The following EFR3B variants were observed in gnomAD, a reference collection of about 807,000 sequenced individuals.
EFR3B encodes protein EFR3 homolog B.
In EFR3B, 64 loss-of-function variants were observed where a neutral mutation model predicts 104.7. The observed-to-expected ratio is 0.61, with a 90% confidence interval of 0.50 to 0.75. The LOEUF is 0.75. Ranked by LOEUF, EFR3B falls within the 30% of genes least tolerant of loss-of-function variation. The pLI, the probability that EFR3B is intolerant of heterozygous loss-of-function variation, is 0.00. For synonymous variants in EFR3B, 385 were observed against 417.9 expected, an observed-to-expected ratio of 0.92 and a Z score of 0.96; for missense variants, 750 against 1,078.5, an observed-to-expected ratio of 0.70 and a Z score of 4.27.
At chr2:25,116,733 G>A (rs1669870964) in intron 4 of EFR3B, among the ~76,000 whole-genome samples, 1 of 151,946 alleles carries the variant, frequency 6.6e-6, no homozygotes, top group East Asian at 1.9e-4. Flanking sequence ...AGAGAGCAAG[G>A]GAGTTTTCCA....
chr2:25,047,061 A>G (rs1289964853), intron 1 of EFR3B, among the ~76,000 whole-genome samples: 4 of 152,212 alleles, frequency 2.6e-5, no homozygotes, highest in Non-Finnish European at 5.9e-5. Context: ...CTTGCTGCTC[A>G]CAGTTCAGTG....
rs186353575 is a variant in EFR3B at position 25,100,223 on chromosome 2, T to A, written c.213-3414T>A. 3.4e-3 allele frequency among the ~76,000 whole-genome samples: 516 copies of A among 152,250 alleles called. 1 individual carries two copies. Among genetic ancestry groups the A allele is most frequent in the African/African-American group, 0.012 (485 of 41,538 alleles). On this transcript the variant is annotated intron_variant, in intron 3 of 22. Coordinates refer to ENST00000403714, the MANE Select transcript of EFR3B (RefSeq NM_014971.2). ...CCGTCTCAAAAAAAAAATTTTTTTTTAAATATCTGCCTAACATTCAATGAT... is the reference window on the plus strand; with the variant it reads ...CCGTCTCAAAAAAAAAATTTTTTTTAAAATATCTGCCTAACATTCAATGAT...
chr2:25,138,437 C>T (rs572523641), intron 15 of EFR3B, among the ~76,000 whole-genome samples: 2 of 152,214 alleles, frequency 1.3e-5, no homozygotes, highest in African/African-American at 4.8e-5. Flanking sequence ...TCCTTTGGAC[C>T]TCAAAGGCTG....
At chr2:25,133,727 C>T (rs559356037) in intron 12 of EFR3B, among the ~76,000 whole-genome samples, 1 of 152,318 alleles carries the variant, frequency 6.6e-6, no homozygotes, top group South Asian at 2.1e-4. Flanking sequence ...GAGACGGAAT[C>T]TGTTGGTTCC....
Position 25,096,405 on chromosome 2 carries a change from G to C in EFR3B, c.212+3275G>C, listed in dbSNP as rs139360431. Reference sequence around the variant, plus strand: ...TTCTCTTTTCGTTCAGATGATGGCAGTAGCCTTGGACATAGTCTCCCTGCT... The same window carrying C: ...TTCTCTTTTCGTTCAGATGATGGCACTAGCCTTGGACATAGTCTCCCTGCT... On this transcript the variant is annotated intron_variant, in intron 3 of 22. Transcript: ENST00000403714. Among the ~76,000 whole-genome samples the C allele has an allele frequency of 9.7e-3, 1,484 of 152,310 alleles. 13 individuals carry two copies. The highest frequency in any genetic ancestry group is 0.015 in the Non-Finnish European group (1,016 of 68,038).
chr2:25,099,380 A>T (rs1224218433), intron 3 of EFR3B, among the ~76,000 whole-genome samples: 1 of 152,004 alleles, frequency 6.6e-6, no homozygotes, highest in African/African-American at 2.4e-5. Flanking sequence ...AGAGGAGCTC[A>T]AAGAGCCAAG....
intron 19 of EFR3B, among the ~76,000 whole-genome samples, chr2:25,148,846 C>T (rs1265560679): frequency 8.8e-5 from 12 of 137,026 alleles, no homozygotes; most frequent in African/African-American, 2.7e-4. Context: ...GGCGTGAACC[C>T]GGGAGGCGGA....
intron 4 of EFR3B, among the ~76,000 whole-genome samples, chr2:25,108,196 G>C (rs868365838): frequency 1.6e-4 from 24 of 152,258 alleles, no homozygotes; most frequent in African/African-American, 4.1e-4. Flanking sequence ...CATGATGAGG[G>C]ACTGGAAACA....
intron 19 of EFR3B, among the ~76,000 whole-genome samples, chr2:25,148,852 G>C (rs899746546): frequency 4.0e-5 from 6 of 149,174 alleles, no homozygotes; most frequent in African/African-American, 1.5e-4. Flanking sequence ...AACCCGGGAG[G>C]CGGAGCTTGC....
intron 1 of EFR3B, chr2:25,081,006 G>A: frequency 1.3e-6 from 1 of 756,792 alleles, no homozygotes; most frequent in East Asian, 2.5e-5. Flanking sequence ...AATTGCATCA[G>A]GAGTCTCAGC....
intron 1 of EFR3B, among the ~76,000 whole-genome samples, chr2:25,063,757 T>C (rs1012970623): frequency 4.6e-5 from 7 of 152,208 alleles, no homozygotes; most frequent in Non-Finnish European, 1.0e-4. Flanking sequence ...ACCGATCCTT[T>C]TGATGACAGT....
intron 3 of EFR3B, among the ~76,000 whole-genome samples, chr2:25,096,259 C>T (rs1224481510): frequency 3.3e-5 from 5 of 152,196 alleles, no homozygotes; most frequent in Non-Finnish European, 7.3e-5. Flanking sequence ...CGTGATCCAC[C>T]TGCCTCAGCC....
chr2:25,065,554 C>T (rs1015953481), intron 1 of EFR3B, among the ~76,000 whole-genome samples: 1 of 151,988 alleles, frequency 6.6e-6, no homozygotes, highest in East Asian at 1.9e-4. Context: ...TGCACCTTTC[C>T]CCCTTTCATA....
rs1573173996 is a variant in EFR3B, at chr2:25,064,081, GTGCT to G, written c.7+21768_7+21771del. Among the ~76,000 whole-genome samples, 6 of 152,146 alleles carry G rather than the reference GTGCT, an allele frequency of 3.9e-5. No individual in the cohort carries two copies. The East Asian group carries it at 1.2e-3, about 29-fold the overall frequency. Reference sequence around the variant, plus strand: ...TGTTTTGCATTTTTGCAGAATTCTGGTGCTTGCTTCTGATTCTGTTTTGCATTTC... The same window carrying G: ...TGTTTTGCATTTTTGCAGAATTCTGGTGCTTCTGATTCTGTTTTGCATTTC... On this transcript the variant is annotated intron_variant, in intron 1 of 22. Coordinates refer to ENST00000403714, the MANE Select transcript of EFR3B (RefSeq NM_014971.2).
Position 25,129,256 on chromosome 2 carries a change from T to G in EFR3B, c.636-719T>G, listed in dbSNP as rs374438975. Among the ~76,000 whole-genome samples the G allele has an allele frequency of 1.8e-3, 264 of 150,578 alleles. No homozygotes were observed. The Middle Eastern group carries it at 0.048, about 27-fold the overall frequency. ...GCCCACGTTGCTGTCCCACCTGGGC[T>G]ATCTGTGCACTAGGCTAGTTAGGTC... is the stretch of plus-strand genomic sequence containing the variant. On this transcript the variant is annotated intron_variant, in intron 6 of 22. Coordinates refer to ENST00000403714, the MANE Select transcript of EFR3B (RefSeq NM_014971.2).
chr2:25,087,511 G>A (rs148216656), intron 1 of EFR3B, among the ~76,000 whole-genome samples: 274 of 145,392 alleles, frequency 1.9e-3, no homozygotes, highest in African/African-American at 6.8e-3. Context: ...CTGGAGTCTC[G>A]CTCTGTTGCT....
intron 1 of EFR3B, among the ~76,000 whole-genome samples, chr2:25,048,566 AG>A (rs1202863140): frequency 6.6e-6 from 1 of 152,162 alleles, no homozygotes; most frequent in Non-Finnish European, 1.5e-5. Context: ...GGATTGGTCA[AG>A]GTATATAAAC....
At chr2:25,078,589 C>G (rs1028600644) in intron 1 of EFR3B, among the ~76,000 whole-genome samples, 1 of 152,154 alleles carries the variant, frequency 6.6e-6, no homozygotes, top group East Asian at 1.9e-4. Context: ...CAGCTTCCCT[C>G]CAGCCCTGCT....
chr2:25,091,626 G>A lies in EFR3B; in HGVS notation c.84+225G>A, dbSNP rs77788790. Among the ~76,000 whole-genome samples the A allele has an allele frequency of 6.4e-3, 977 of 152,324 alleles. 16 individuals carry two copies. The highest frequency in any genetic ancestry group is 0.022 in the African/African-American group (935 of 41,582). Reference sequence around the variant, plus strand: ...ATGAGGGCATTTGGATCTGCAGAAGGCAGCTGGAAGTGCGTCTTGGCATGC... The same window carrying A: ...ATGAGGGCATTTGGATCTGCAGAAGACAGCTGGAAGTGCGTCTTGGCATGC... On this transcript the variant is annotated intron_variant, in intron 2 of 22. Coordinates refer to ENST00000403714, the MANE Select transcript of EFR3B (RefSeq NM_014971.2).
Sources: allele counts gnomAD v4.1 joint callset (sites outside exome capture counted in the v4.1 genomes callset), GRCh38; gene constraint gnomAD v4.1.1; transcripts MANE v1.5; gene names NCBI Gene and HGNC (gene_info 2026-07-23, HGNC 2026-07-21).